MAPRE3: variants seen among roughly 807,000 people sequenced by gnomAD.
MAPRE3 encodes microtubule-associated protein RP/EB family member 3.
In MAPRE3, 2 loss-of-function variants were observed where a neutral mutation model predicts 30.5. That is an observed-to-expected ratio of 0.07 (90% CI 0.03 to 0.21). MAPRE3 has a LOEUF of 0.21. MAPRE3 is among the 10% of genes least tolerant of loss of function. The pLI is 1.00. For synonymous variants in MAPRE3, 110 were observed against 127.7 expected, an observed-to-expected ratio of 0.86 and a Z score of 0.93; for missense variants, 204 against 351.8, an observed-to-expected ratio of 0.58 and a Z score of 3.36.
intron 3 of MAPRE3, 148 bp downstream of exon 3, chr2:27,023,625 C>T (rs1312371551): frequency 2.2e-6 from 2 of 901,760 alleles, no homozygotes; most frequent in East Asian, 5.3e-5. Flanking sequence ...GAATTTTCCC[C>T]CTGCTCAAGG....
intron 4 of MAPRE3, among the ~76,000 whole-genome samples, chr2:27,024,883 C>G (rs1055544169): frequency 6.6e-6 from 1 of 152,176 alleles, no homozygotes; most frequent in Admixed American, 6.5e-5. Flanking sequence ...GCAGCCCCAG[C>G]CCGCGTCGGA....
chr2:26,998,767 T>C (rs546611091), intron 1 of MAPRE3, among the ~76,000 whole-genome samples: 1 of 152,342 alleles, frequency 6.6e-6, no homozygotes, highest in East Asian at 1.9e-4. Flanking sequence ...GGAAAAACTT[T>C]CCAGGGGAGT....
chr2:26,997,409 G>A (rs1168676540), intron 1 of MAPRE3, among the ~76,000 whole-genome samples: 1 of 151,984 alleles, frequency 6.6e-6, no homozygotes, highest in East Asian at 1.9e-4. Context: ...CGTATGTTAT[G>A]TGTGGCCCAA....
At chr2:26,975,006 G>A (rs1309456222) in intron 1 of MAPRE3, among the ~76,000 whole-genome samples, 2 of 152,104 alleles carry the variant, frequency 1.3e-5, no homozygotes, top group East Asian at 1.9e-4. Flanking sequence ...GGGAAGACCC[G>A]GCACTTGCAT....
In MAPRE3 at chr2:26,997,387, C is replaced by G. The variant is rs551104618; in HGVS notation, c.-7-24825C>G. Among the ~76,000 whole-genome samples the G allele has an allele frequency of 3.4e-4, 52 of 152,068 alleles. No homozygotes were observed. In the South Asian group the frequency reaches 0.011, roughly 32 times the overall value. ...TTTTTTTTTTTAGCTCATGAGCTGT[C>G]CTTTGTGTTAGCGTATGTTATGTGT... On this transcript the variant is annotated intron_variant, in intron 1 of 6. Coordinates refer to ENST00000233121, the MANE Select transcript of MAPRE3 (RefSeq NM_012326.4).
At chr2:27,022,665 T>C (rs1271875814) in intron 2 of MAPRE3, 1 of 246,172 alleles carries the variant, frequency 4.1e-6, no homozygotes, top group Non-Finnish European at 7.9e-6. Context: ...TAAACATACC[T>C]AAACATAGAA....
intron 1 of MAPRE3, among the ~76,000 whole-genome samples, chr2:27,014,290 C>T (rs1666932336): frequency 6.6e-6 from 1 of 152,162 alleles, no homozygotes; most frequent in South Asian, 2.1e-4. Context: ...CCAGAACCTA[C>T]CCCAAGGACT....
At chr2:27,013,653 G>A in intron 1 of MAPRE3, among the ~76,000 whole-genome samples, 1 of 152,150 alleles carries the variant, frequency 6.6e-6, no homozygotes, top group East Asian at 1.9e-4. Flanking sequence ...GGAAGAAATG[G>A]GCAACATAGC....
At chr2:27,008,127 A>G (rs1666770809) in intron 1 of MAPRE3, among the ~76,000 whole-genome samples, 1 of 152,320 alleles carries the variant, frequency 6.6e-6, no homozygotes, top group South Asian at 2.1e-4. Context: ...AGACAATTGG[A>G]TGTTTGAAAC....
At chr2:26,984,599 A>G (rs568913369) in intron 1 of MAPRE3, among the ~76,000 whole-genome samples, 26 of 152,328 alleles carry the variant, frequency 1.7e-4, no homozygotes, top group Non-Finnish European at 1.9e-4. Flanking sequence ...TGCTCCAAAT[A>G]CAAATGTGTC....
chr2:26,996,531 G>A (rs1164764561), intron 1 of MAPRE3, among the ~76,000 whole-genome samples: 10 of 151,896 alleles, frequency 6.6e-5, no homozygotes, highest in Non-Finnish European at 1.3e-4. Flanking sequence ...GGCCGGGCGC[G>A]GTGGTTTAAG....
rs531651199 is a variant in MAPRE3, at chr2:26,999,488, C to CTTTTTTTTTTTTTTTTTTT, written c.-7-22715_-7-22697dup. 6.3e-5 allele frequency among the ~76,000 whole-genome samples: 5 copies of CTTTTTTTTTTTTTTTTTTT among 79,006 alleles called. 1 individual carries two copies. Among genetic ancestry groups the CTTTTTTTTTTTTTTTTTTT allele is most frequent in the Admixed American group, 1.8e-4 (1 of 5,428 alleles). 51.8% of individuals were successfully genotyped at this position (79,006 alleles called of 152,430 possible). ...TTTTTTCTTCTTTCTTTCCTTCTTT[C>CTTTTTTTTTTTTTTTTTTT]TTTTTTTTTTTTTTTTTTTTTTTTT... On this transcript the variant is annotated intron_variant, in intron 1 of 6. Transcript: ENST00000233121.
intron 4 of MAPRE3, 52 bp downstream of exon 4, chr2:27,024,349 T>C (rs1169574395): frequency 6.4e-7 from 1 of 1,552,914 alleles, no homozygotes; most frequent in African/African-American, 1.4e-5. Flanking sequence ...CCGGCAGGCC[T>C]CTATAGCCAG....
chr2:26,991,634 A>G (rs1666345523), intron 1 of MAPRE3, among the ~76,000 whole-genome samples: 2 of 152,130 alleles, frequency 1.3e-5, no homozygotes, highest in African/African-American at 4.8e-5. Flanking sequence ...GCCCCACATA[A>G]ATAAAAGAAA....
chr2:27,015,910 C>T lies in MAPRE3; in HGVS notation c.-7-6302C>T, dbSNP rs1301426954. On this transcript the variant is annotated intron_variant, in intron 1 of 6. Coordinates refer to ENST00000233121, the MANE Select transcript of MAPRE3 (RefSeq NM_012326.4). This position sits in a 1 kb window ranked among gnomAD's most constrained non-coding sequence, Gnocchi z 4.0. ...GTCTTGATGACCATTTTTAAGGCCT[C>T]AGTCTGCAGAATGACCAGCAGCTTC... 3.3e-5 allele frequency among the ~76,000 whole-genome samples: 5 copies of T among 152,170 alleles called. No homozygotes were observed. The highest frequency in any genetic ancestry group is 7.3e-5 in the Non-Finnish European group (5 of 68,032).
At chr2:26,973,936 C>T (rs908474389) in intron 1 of MAPRE3, among the ~76,000 whole-genome samples, 1 of 152,348 alleles carries the variant, frequency 6.6e-6, no homozygotes. Context: ...AGGCACATGT[C>T]TCCCTCGCTT....
chr2:27,025,958 C>G lies in MAPRE3; in HGVS notation c.703C>G (p.Leu235Val). 1 of 1,614,226 alleles carries G rather than the reference C, an allele frequency of 6.2e-7. No individual in the cohort carries two copies. Among genetic ancestry groups the G allele is most frequent in the Non-Finnish European group, 8.5e-7 (1 of 1,180,032 alleles). The change falls in exon 6 of 7, where the codon CTC becomes GTC. Residue 235 changes from leucine (L) to valine (V), a missense_variant. Physicochemically the swap from Leu to Val is conservative, Grantham distance 32. Coordinates refer to ENST00000233121, the MANE Select transcript of MAPRE3 (RefSeq NM_012326.4). Reference protein sequence around the residue: ...FYFSKLRDIELICQEHESENS... With the variant: ...FYFSKLRDIEVICQEHESENS... ...CTTCAGCAAACTTCGTGACATCGAG[C>G]TCATCTGCCAGGAGCATGAAAGTGA...
chr2:26,978,548 AG>A (rs1666057890), intron 1 of MAPRE3, among the ~76,000 whole-genome samples: 2 of 152,096 alleles, frequency 1.3e-5, no homozygotes, highest in Admixed American at 1.3e-4. Context: ...CTCTCAGTTT[AG>A]GCATCCTATT....
chr2:26,972,810 G>A (rs1486858593), intron 1 of MAPRE3, among the ~76,000 whole-genome samples: 3 of 152,174 alleles, frequency 2.0e-5, no homozygotes, highest in African/African-American at 7.2e-5. Context: ...CATTTTCAGA[G>A]GATCAGAGTA....
Sources: allele counts gnomAD v4.1 joint callset (sites outside exome capture counted in the v4.1 genomes callset), GRCh38; gene constraint gnomAD v4.1.1; non-coding constraint Gnocchi (gnomAD v3.1); transcripts MANE v1.5; gene names NCBI Gene and HGNC (gene_info 2026-07-23, HGNC 2026-07-21).